Variants in P2RY8 observed in about 807,000 individuals in gnomAD.
The protein encoded by P2RY8 is S-geranylgeranyl-glutathione receptor P2RY8.
A neutral mutation model predicts 10.0 loss-of-function variants in P2RY8; 6 were observed. The observed-to-expected ratio is 0.60, with a 90% CI of 0.33 to 1.19. P2RY8 has a LOEUF of 1.19. Ranked by LOEUF, P2RY8 falls within the 50% of genes most tolerant of loss-of-function variation. The pLI is 0.04. For missense variants in P2RY8, 456 were observed against 542.0 expected (o/e 0.84, Z 1.58); for synonymous variants, 276 against 252.5 (o/e 1.09, Z -0.88).
intron 1 of P2RY8, among the ~76,000 whole-genome samples, chrX:1,488,733 G>GGGGT (rs1556678192): frequency 4.1e-4 from 61 of 147,530 alleles, no homozygotes; most frequent in Admixed American, 3.3e-3. Context: ...GTAAATGCAG[G>GGGGT]GTGTGTGTGT....
chrX:1,528,262 T>C (rs1413368720), intron 1 of P2RY8, among the ~76,000 whole-genome samples: 1 of 152,206 alleles, frequency 6.6e-6, no homozygotes, highest in Non-Finnish European at 1.5e-5. Flanking sequence ...TCAGGTTTCA[T>C]CTATTGCATC....
chrX:1,516,986 C>T (rs1464914981), intron 1 of P2RY8, among the ~76,000 whole-genome samples: 1 of 151,708 alleles, frequency 6.6e-6, no homozygotes, highest in Non-Finnish European at 1.5e-5. Flanking sequence ...ACTAAGACAC[C>T]TCATAAGAAG....
At chrX:1,531,256 T>C (rs2092473403) in intron 1 of P2RY8, among the ~76,000 whole-genome samples, 1 of 152,116 alleles carries the variant, frequency 6.6e-6, no homozygotes, top group Non-Finnish European at 1.5e-5. Context: ...CTCTACACCC[T>C]ACAATCCCCA....
chrX:1,464,025 G>A lies in P2RY8; in HGVS notation c.*1454C>T, dbSNP rs185163347. 3.0e-5 allele frequency: 7 copies of A among 233,148 alleles called. No homozygotes were observed. Among genetic ancestry groups the A allele is most frequent in the Admixed American group, 2.3e-4 (4 of 17,774 alleles). 14.4% of individuals were successfully genotyped at this position (233,148 alleles called of 1,614,324 possible). A position where few individuals can be genotyped will look rare whatever the true frequency, so the allele number is the denominator to read the frequency against. On this transcript the variant is annotated 3_prime_UTR_variant, in exon 2 of 2. Coordinates refer to ENST00000381297, the MANE Select transcript of P2RY8 (RefSeq NM_178129.5). The stretch of plus-strand genomic sequence containing the variant: ...TCTGTTTTCCTGCCATAGTGATGAC[G>A]GCAGGAGAGAGGCACCAATAGAGGG...
intron 1 of P2RY8, among the ~76,000 whole-genome samples, chrX:1,514,811 T>TC (rs2092331690): frequency 4.3e-5 from 2 of 46,540 alleles, no homozygotes; most frequent in Non-Finnish European, 8.5e-5. Flanking sequence ...TCCCTTCCTT[T>TC]CCTTTCCTTC....
At chrX:1,524,890 T>C (rs373760372) in intron 1 of P2RY8, among the ~76,000 whole-genome samples, 384 of 110,760 alleles carry the variant, frequency 3.5e-3, no homozygotes, top group Middle Eastern at 0.012. Context: ...TCCATCCATC[T>C]ATCCATCCAT....
Position 1,533,770 on chromosome X carries a change from A to G in P2RY8, c.-25+3151T>C, listed in dbSNP as rs773715729. Among the ~76,000 whole-genome samples, 53 of 123,428 alleles carry G rather than the reference A, an allele frequency of 4.3e-4. 2 individuals carry two copies. In the South Asian group the frequency reaches 0.014, roughly 33 times the overall value. 81.0% of individuals were successfully genotyped at this position (123,428 alleles called of 152,430 possible). On this transcript the variant is annotated intron_variant, in intron 1 of 1. Transcript: ENST00000381297. ...TTTATTATTTATATATTATATACTT[A>G]TATATTTATTATTTAAATATACTAT...
Position 1,486,866 on chromosome X carries a change from C to G in P2RY8, c.-24-20284G>C, listed in dbSNP as rs770560001. ...GCTGAGTCCTGAATGCTCCTGCAGT[C>G]TCAGTGCTCCCCCGCTTGTTGCTTG... On this transcript the variant is annotated intron_variant, in intron 1 of 1. Transcript: ENST00000381297. Among the ~76,000 whole-genome samples, 103 of 152,346 alleles carry G rather than the reference C, an allele frequency of 6.8e-4. 1 individual carries two copies. The highest frequency in any genetic ancestry group is 2.3e-3 in the African/African-American group (96 of 41,576).
intron 1 of P2RY8, among the ~76,000 whole-genome samples, chrX:1,506,822 C>T (rs760792521): frequency 4.6e-5 from 7 of 151,972 alleles, no homozygotes; most frequent in South Asian, 4.2e-4. Flanking sequence ...GGATTACAGG[C>T]ACCCGCCACC....
Position 1,524,585 on chromosome X carries a change from C to T in P2RY8, c.-25+12336G>A, listed in dbSNP as rs1445754088. On this transcript the variant is annotated intron_variant, in intron 1 of 1. Transcript: ENST00000381297. ...TCCATCCATCCATCCATCCATCCAT[C>T]CATCCATCCATTCATCCATCTATCC... 9.1e-4 allele frequency among the ~76,000 whole-genome samples: 130 copies of T among 142,712 alleles called. 6 individuals carry two copies. The highest frequency in any genetic ancestry group is 1.2e-3 in the Non-Finnish European group (80 of 64,680). The allele number at this position is 142,712 out of a possible 152,430, so 93.6% of individuals were successfully genotyped here. A position where few individuals can be genotyped will look rare whatever the true frequency, so the allele number is the denominator to read the frequency against.
intron 1 of P2RY8, among the ~76,000 whole-genome samples, chrX:1,536,071 T>G (rs1447839810): frequency 1.3e-5 from 2 of 152,152 alleles, no homozygotes; most frequent in Non-Finnish European, 2.9e-5. Flanking sequence ...TTATGCTTAC[T>G]CTTCCATTAT....
intron 1 of P2RY8, among the ~76,000 whole-genome samples, chrX:1,474,075 T>A (rs2149379476): frequency 6.8e-6 from 1 of 148,046 alleles, no homozygotes; most frequent in East Asian, 2.1e-4. Flanking sequence ...GGTGGGTAGG[T>A]GGGTGAATGG....
At chrX:1,478,980 C>T (rs2091907426) in intron 1 of P2RY8, among the ~76,000 whole-genome samples, 1 of 152,174 alleles carries the variant, frequency 6.6e-6, no homozygotes, top group Non-Finnish European at 1.5e-5. Flanking sequence ...CAGGTTCCCA[C>T]ATTCCAAGTC....
chrX:1,516,618 G>A (rs2092352407), intron 1 of P2RY8, among the ~76,000 whole-genome samples: 1 of 151,992 alleles, frequency 6.6e-6, no homozygotes, highest in Admixed American at 6.6e-5. Context: ...AGAGGCCTCA[G>A]GAGGAACCAG....
intron 1 of P2RY8, among the ~76,000 whole-genome samples, chrX:1,496,222 C>G (rs5989761): frequency 0.62 from 94,303 of 151,968 alleles, 31,498 homozygotes; most frequent in East Asian, 0.91. Context: ...GAATGGACGT[C>G]AACTTGGGTA....
At chrX:1,504,359 C>G (rs1343574849) in intron 1 of P2RY8, among the ~76,000 whole-genome samples, 3 of 152,120 alleles carry the variant, frequency 2.0e-5, no homozygotes, top group Non-Finnish European at 4.4e-5. Flanking sequence ...TTCTTTGCCC[C>G]CCTTGAAGCT....
chrX:1,529,628 C>T lies in P2RY8; in HGVS notation c.-25+7293G>A, dbSNP rs189734013. Among the ~76,000 whole-genome samples the T allele has an allele frequency of 6.8e-3, 1,040 of 152,126 alleles. 13 individuals are homozygous for T. The highest frequency in any genetic ancestry group is 0.024 in the African/African-American group (987 of 41,504). On this transcript the variant is annotated intron_variant, in intron 1 of 1. Transcript: ENST00000381297. ...CAGCAGTGCTGAGGCTGACACCCTG[C>T]CTGAGCATGAGAGAGTCTCTGTTAG...
rs768054466 is a variant in P2RY8, at chrX:1,489,683, T to C, written c.-24-23101A>G. On this transcript the variant is annotated intron_variant, in intron 1 of 1. Coordinates refer to ENST00000381297, the MANE Select transcript of P2RY8 (RefSeq NM_178129.5). ...ATGAATGATACCCCAGATTCACTTC[T>C]GCAAATGTAGAGAGAATGAATGAAT... Among the ~76,000 whole-genome samples, 9 of 151,388 alleles carry C rather than the reference T, an allele frequency of 5.9e-5. No individual in the cohort carries two copies. The South Asian group carries it at 1.9e-3, about 32-fold the overall frequency.
chrX:1,491,301 C>T (rs1234655364), intron 1 of P2RY8, among the ~76,000 whole-genome samples: 1 of 152,144 alleles, frequency 6.6e-6, no homozygotes. Context: ...CCCAGATATT[C>T]CCCACAAATG....
Sources: allele counts gnomAD v4.1 joint callset (sites outside exome capture counted in the v4.1 genomes callset), GRCh38; gene constraint gnomAD v4.1.1; transcripts MANE v1.5; gene names NCBI Gene and HGNC (gene_info 2026-07-23, HGNC 2026-07-21).